NACC2: variants seen among roughly 807,000 people sequenced by gnomAD.
NACC2 encodes the protein NACC family member 2, also known as nucleus accumbens-associated protein 2.
In NACC2, 8 loss-of-function variants were observed where a neutral mutation model predicts 25.1. The observed-to-expected ratio is 0.32, with a 90% CI of 0.19 to 0.57. NACC2 has a LOEUF of 0.57. Among genes scored for constraint, NACC2 ranks in the 20% least tolerant of loss-of-function variants. The pLI, the probability that NACC2 is intolerant of heterozygous loss-of-function variation, is 0.89. For synonymous variants in NACC2, 435 were observed against 294.7 expected (o/e 1.48, Z -4.88); for missense variants, 644 against 650.2 (o/e 0.99, Z 0.10).
chr9:136,025,324 C>A (rs754866813), intron 2 of NACC2, among the ~76,000 whole-genome samples: 1 of 152,138 alleles, frequency 6.6e-6, no homozygotes, highest in Non-Finnish European at 1.5e-5. Context: ...TGTTTTCACA[C>A]GATGTCCGGC....
intron 2 of NACC2, among the ~76,000 whole-genome samples, chr9:136,049,153 T>G (rs1356545068): frequency 6.6e-6 from 1 of 152,216 alleles, no homozygotes; most frequent in African/African-American, 2.4e-5. Context: ...GGGGAGCGAC[T>G]GCTCACTCGG....
intron 2 of NACC2, among the ~76,000 whole-genome samples, chr9:136,035,043 G>A (rs949496235): frequency 6.6e-6 from 1 of 152,142 alleles, no homozygotes; most frequent in African/African-American, 2.4e-5. Flanking sequence ...GCAGTGAGCT[G>A]ATATCACGCC....
In NACC2 at chr9:136,011,558, G is replaced by A. The variant is rs766172062; in HGVS notation, c.1722C>T (p.Ala574=). The change falls in exon 6 of 6, where the codon GCC becomes GCT. Residue 574 remains alanine (A), a synonymous_variant. Transcript: ENST00000277554. ...GGPSRPQTPA[A]AARRPEGTYA... is the part of the protein sequence containing the mutation. ...AGGTGCCCTCCGGCCTCCGGGCCGC[G>A]GCCGCCGGCGTCTGGGGCCTGCTGG... The A allele has an allele frequency of 5.6e-5, 79 of 1,407,490 alleles. No individual in the cohort carries two copies. The highest frequency in any genetic ancestry group is 2.6e-4 in the Middle Eastern group (1 of 3,854). 87.2% of individuals were successfully genotyped at this position (1,407,490 alleles called of 1,614,324 possible). A position where few individuals can be genotyped will look rare whatever the true frequency, so the allele number is the denominator to read the frequency against.
chr9:136,037,657 GCCA>G (rs1214012025), intron 2 of NACC2, among the ~76,000 whole-genome samples: 13 of 151,812 alleles, frequency 8.6e-5, no homozygotes, highest in Non-Finnish European at 1.9e-4. Context: ...ACAGGCACCC[GCCA>G]CCACATCTGG....
At chr9:136,046,758 G>T (rs1840731520) in intron 2 of NACC2, among the ~76,000 whole-genome samples, 1 of 152,336 alleles carries the variant, frequency 6.6e-6, no homozygotes, top group East Asian at 1.9e-4. Context: ...GGGTGGTGAC[G>T]CGGGACCTGG....
intron 5 of NACC2, among the ~76,000 whole-genome samples, chr9:136,012,323 C>G (rs1466168841): frequency 6.6e-6 from 1 of 152,260 alleles, no homozygotes; most frequent in South Asian, 2.1e-4. Flanking sequence ...TCCGGGCTTC[C>G]GTAGCCCCAA....
chr9:136,043,963 T>A (rs946386341), intron 2 of NACC2, among the ~76,000 whole-genome samples: 115 of 152,252 alleles, frequency 7.6e-4, no homozygotes, highest in African/African-American at 2.6e-3. Flanking sequence ...TAGCTGGGAC[T>A]ACAAGCGTGC....
chr9:136,030,527 G>A (rs1010834816), intron 2 of NACC2, among the ~76,000 whole-genome samples: 74 of 151,924 alleles, frequency 4.9e-4, no homozygotes, highest in African/African-American at 1.7e-3. Context: ...GGAGAATGGC[G>A]TGAACCCAGG....
At chr9:136,025,479 CAGA>C (rs761110170) in intron 2 of NACC2, among the ~76,000 whole-genome samples, 202 of 152,206 alleles carry the variant, frequency 1.3e-3, no homozygotes, top group Non-Finnish European at 2.9e-4. Context: ...CAACAATTTA[CAGA>C]AGGACATCAG....
chr9:136,044,309 A>G (rs1188632289), intron 2 of NACC2, among the ~76,000 whole-genome samples: 1 of 152,148 alleles, frequency 6.6e-6, no homozygotes, highest in Non-Finnish European at 1.5e-5. Context: ...TGAGCCCAGG[A>G]ATTCGAGGCC....
chr9:136,049,094 G>A (rs1340113830), intron 2 of NACC2, among the ~76,000 whole-genome samples: 2 of 152,238 alleles, frequency 1.3e-5, no homozygotes, highest in African/African-American at 4.8e-5. Flanking sequence ...GGGTTTGTGG[G>A]GCCCAGGACG....
intron 1 of NACC2, among the ~76,000 whole-genome samples, chr9:136,089,607 C>T (rs1481599595): frequency 6.7e-6 from 1 of 149,850 alleles, no homozygotes; most frequent in Non-Finnish European, 1.5e-5. Flanking sequence ...AACTCATGTA[C>T]CTCTACACCA....
At chr9:136,093,230 T>C (rs1717456) in intron 1 of NACC2, among the ~76,000 whole-genome samples, 28,779 of 151,934 alleles carry the variant, frequency 0.19, 5,474 homozygotes, top group African/African-American at 0.5. Context: ...CCAAGAGGAG[T>C]GCAGGCCTGG....
At chr9:136,079,684 C>T (rs1236122604) in intron 1 of NACC2, among the ~76,000 whole-genome samples, 1 of 152,230 alleles carries the variant, frequency 6.6e-6, no homozygotes, top group Non-Finnish European at 1.5e-5. Flanking sequence ...CGAATGCACT[C>T]CAGGGTCACC....
intron 1 of NACC2, among the ~76,000 whole-genome samples, chr9:136,050,877 C>A (rs1840821913): frequency 6.6e-6 from 1 of 152,158 alleles, no homozygotes; most frequent in Non-Finnish European, 1.5e-5. Context: ...TCGGTCTCAG[C>A]AGGCGAGGAG....
intron 1 of NACC2, among the ~76,000 whole-genome samples, chr9:136,076,316 C>T (rs1454089648): frequency 6.6e-6 from 1 of 152,192 alleles, no homozygotes; most frequent in African/African-American, 2.4e-5. Context: ...TCTAAACACC[C>T]AGTTCCTCAA....
In NACC2 at chr9:136,016,425, T is replaced by A; in HGVS notation, c.891A>T (p.Gln297His). The A allele has an allele frequency of 6.2e-7, 1 of 1,610,664 alleles. No homozygotes were observed. The highest frequency in any genetic ancestry group is 8.5e-7 in the Non-Finnish European group (1 of 1,179,466). Residue 297 changes from glutamine (Q) to histidine (H), a missense_variant, in exon 3 of 6, where the codon CAA (glutamine) becomes CAT (histidine). By Grantham distance (24) the Gln-to-His change is conservative. Transcript: ENST00000277554. ...YIKASGSYAV[Q>H]EKPEPVPLES... is the part of the protein sequence containing the mutation. ...CCAGCGGCACTGGCTCAGGCTTCTC[T>A]TGCACTGTGGGCCCAGAACCAACCT...
intron 1 of NACC2, among the ~76,000 whole-genome samples, chr9:136,073,484 G>A (rs1830221939): frequency 6.6e-6 from 1 of 152,080 alleles, no homozygotes; most frequent in Admixed American, 6.6e-5. Context: ...GAGCTGCAGT[G>A]GACAGGGGGT....
intron 1 of NACC2, among the ~76,000 whole-genome samples, chr9:136,069,170 T>G (rs1236171736): frequency 6.6e-6 from 1 of 151,276 alleles, no homozygotes; most frequent in Non-Finnish European, 1.5e-5. Context: ...CCTCCCAAAG[T>G]GCTGGGATCA....
Sources: allele counts gnomAD v4.1 joint callset (sites outside exome capture counted in the v4.1 genomes callset), GRCh38; gene constraint gnomAD v4.1.1; transcripts MANE v1.5; gene names NCBI Gene and HGNC (gene_info 2026-07-23, HGNC 2026-07-21).